The following PDIA5 variants were observed in gnomAD, a reference collection of about 807,000 sequenced individuals.
The protein encoded by PDIA5 is protein disulfide isomerase family A member 5.
PDIA5 carries 58 observed loss-of-function variants against 77.6 expected under a neutral mutation model. The observed-to-expected ratio is 0.75, with a 90% CI of 0.61 to 0.93. PDIA5 has a LOEUF of 0.93. PDIA5 is among the 40% of genes least tolerant of loss of function. The probability of loss-of-function intolerance (pLI) is 0.00; values close to 1 mark genes in which losing one functional copy is unlikely to be tolerated. For missense variants in PDIA5, 630 were observed against 647.7 expected (o/e 0.97, Z 0.30); for synonymous variants, 250 against 252.1 (o/e 0.99, Z 0.08).
At position 123,145,601 on chromosome 3, in the gene PDIA5, C is replaced by T. The variant is rs763541731; in HGVS notation, c.981+9C>T. On this transcript the variant is annotated intron_variant, in intron 12 of 16. Transcript: ENST00000316218. ...TCCATGGAGAAGCGGATGTAAGCTTCCTTTCCTTCCCCCTCACCGTTCTCT... is the reference window on the plus strand; with the variant it reads ...TCCATGGAGAAGCGGATGTAAGCTTTCTTTCCTTCCCCCTCACCGTTCTCT... The T allele has an allele frequency of 1.9e-6, 3 of 1,599,876 alleles. No individual in the cohort carries two copies. The highest frequency in any genetic ancestry group is 1.3e-5 in the African/African-American group (1 of 74,636).
At chr3:123,074,148 C>G (rs746283887) in intron 1 of PDIA5, among the ~76,000 whole-genome samples, 2 of 152,222 alleles carry the variant, frequency 1.3e-5, no homozygotes, top group Non-Finnish European at 2.9e-5. Context: ...TCAACAGATA[C>G]TTCTTTTTTT....
At chr3:123,151,243 G>C (rs1160111048) in intron 14 of PDIA5, among the ~76,000 whole-genome samples, 2 of 152,244 alleles carry the variant, frequency 1.3e-5, no homozygotes, top group Non-Finnish European at 2.9e-5. Flanking sequence ...TTCCTTCTCA[G>C]AGTGGGACTT....
At chr3:123,096,291 C>T (rs966084248) in intron 3 of PDIA5, among the ~76,000 whole-genome samples, 27 of 152,142 alleles carry the variant, frequency 1.8e-4, no homozygotes, top group African/African-American at 5.6e-4. Flanking sequence ...CTTGACCTCC[C>T]GGGCTGAAGC....
At chr3:123,136,079 G>A (rs947154637) in intron 11 of PDIA5, among the ~76,000 whole-genome samples, 1 of 150,934 alleles carries the variant, frequency 6.6e-6, no homozygotes, top group Admixed American at 6.6e-5. Context: ...TACAGGCACG[G>A]GCCACCACAC....
chr3:123,158,262 A>G (rs898146760), intron 15 of PDIA5, among the ~76,000 whole-genome samples: 1 of 152,186 alleles, frequency 6.6e-6, no homozygotes, highest in African/African-American at 2.4e-5. Context: ...TCAACTAGGT[A>G]TTGTTACAGT....
intron 10 of PDIA5, among the ~76,000 whole-genome samples, chr3:123,128,309 C>T (rs1397161090): frequency 6.6e-6 from 1 of 152,128 alleles, no homozygotes; most frequent in Non-Finnish European, 1.5e-5. Flanking sequence ...TTTTGAAACT[C>T]CTGAACTGTT....
intron 1 of PDIA5, among the ~76,000 whole-genome samples, chr3:123,084,987 G>C (rs1407677556): frequency 6.6e-6 from 1 of 152,166 alleles, no homozygotes; most frequent in Non-Finnish European, 1.5e-5. Flanking sequence ...CACCAGGCCA[G>C]GTCCTTGGGC....
At chr3:123,117,374 T>TATA (rs1935019779) in intron 8 of PDIA5, among the ~76,000 whole-genome samples, 5 of 79,872 alleles carry the variant, frequency 6.3e-5, no homozygotes, top group African/African-American at 2.4e-4. Flanking sequence ...TTCTATGATT[T>TATA]TATATATATA....
At chr3:123,116,369 G>T in intron 8 of PDIA5, 71 bp downstream of exon 8, 4 of 1,138,016 alleles carry the variant, frequency 3.5e-6, no homozygotes, top group Non-Finnish European at 5.3e-6. Context: ...TGCCAGGGGT[G>T]GGGTGGGGAC....
At chr3:123,096,870 G>T (rs557218590) in intron 3 of PDIA5, among the ~76,000 whole-genome samples, 2 of 152,248 alleles carry the variant, frequency 1.3e-5, no homozygotes, top group East Asian at 1.9e-4. Context: ...CGGGCTTGGC[G>T]TGGAGTGCTG....
chr3:123,079,898 CT>C (rs1017418324), intron 1 of PDIA5, among the ~76,000 whole-genome samples: 53 of 151,792 alleles, frequency 3.5e-4, no homozygotes, highest in African/African-American at 1.3e-3. Context: ...GATTAATTTC[CT>C]ATATTTTGAC....
chr3:123,146,013 G>A (rs1045621393), intron 12 of PDIA5, 86 bp from the exon 13 acceptor site: 2 of 1,314,142 alleles, frequency 1.5e-6, no homozygotes, highest in Admixed American at 3.7e-5. Flanking sequence ...TCCAGGATGG[G>A]TTGTGGGGGC....
intron 3 of PDIA5, among the ~76,000 whole-genome samples, chr3:123,096,371 T>C (rs1473532405): frequency 6.6e-6 from 1 of 152,046 alleles, no homozygotes; most frequent in Non-Finnish European, 1.5e-5. Flanking sequence ...ATTTTTTTTA[T>C]AGAGACCAGG....
chr3:123,128,907 CTT>C (rs1003039378), intron 10 of PDIA5, among the ~76,000 whole-genome samples: 2 of 152,172 alleles, frequency 1.3e-5, no homozygotes, highest in South Asian at 4.1e-4. Context: ...TATCTCCCCC[CTT>C]TTAATGCAAA....
At chr3:123,074,759 A>T (rs947958312) in intron 1 of PDIA5, among the ~76,000 whole-genome samples, 1 of 152,222 alleles carries the variant, frequency 6.6e-6, no homozygotes, top group African/African-American at 2.4e-5. Context: ...AAATACATTC[A>T]TAATACAGGA....
At chr3:123,145,628 TGAAA>T (rs1935750539) in intron 12 of PDIA5, 36 bp downstream of exon 12, 1 of 1,533,544 alleles carries the variant, frequency 6.5e-7, no homozygotes, top group Admixed American at 1.7e-5. Context: ...CCGTTCTCTT[TGAAA>T]GAATCACTGA....
chr3:123,120,782 G>A (rs1935095901), intron 8 of PDIA5, among the ~76,000 whole-genome samples: 1 of 152,018 alleles, frequency 6.6e-6, no homozygotes, highest in Non-Finnish European at 1.5e-5. Flanking sequence ...TTCCCCAGGG[G>A]CCAGGCTCTT....
chr3:123,101,882 C>T (rs927323966), intron 3 of PDIA5, among the ~76,000 whole-genome samples: 2 of 145,636 alleles, frequency 1.4e-5, no homozygotes, highest in African/African-American at 5.1e-5. Flanking sequence ...GTCTGCTTTT[C>T]CCCTTCCTTT....
At chr3:123,140,167 G>T (rs1314977192) in intron 11 of PDIA5, among the ~76,000 whole-genome samples, 1 of 152,114 alleles carries the variant, frequency 6.6e-6, no homozygotes, top group African/African-American at 2.4e-5. Context: ...GAAAGAACAT[G>T]TTCCAGGGCC....
Sources: allele counts gnomAD v4.1 joint callset (sites outside exome capture counted in the v4.1 genomes callset), GRCh38; gene constraint gnomAD v4.1.1; transcripts MANE v1.5; gene names NCBI Gene and HGNC (gene_info 2026-07-23, HGNC 2026-07-21).